Variants in COX7C observed in about 807,000 individuals in gnomAD.
COX7C encodes the protein cytochrome c oxidase subunit 7C.
In COX7C, 1 loss-of-function variant was observed where a neutral mutation model predicts 6.4. The ratio of observed to expected loss-of-function variants is 0.16; its 90% CI spans 0.06 to 0.74. The LOEUF (loss-of-function observed/expected upper bound fraction) is 0.74, where lower values mean the gene tolerates loss of function less well. Among genes scored for constraint, COX7C ranks in the 30% least tolerant of loss-of-function variants. The pLI is 0.78. For synonymous variants in COX7C, 24 were observed against 28.9 expected (o/e 0.83, Z 0.54); for missense variants, 54 against 73.7 (o/e 0.73, Z 0.98).
chr5:86,619,485 T>G lies in COX7C; in HGVS notation c.*16T>G. ...TAAAACATAAGGATGTTTCAGTTCC[T>G]CCATTTAACAGGTAGTTAGTGGATT... On this transcript the variant is annotated 3_prime_UTR_variant, in exon 2 of 3. Transcript: ENST00000247655. 2 of 1,496,396 alleles carry G rather than the reference T, an allele frequency of 1.3e-6. No homozygotes were observed. The highest frequency in any genetic ancestry group is 1.9e-6 in the Non-Finnish European group (2 of 1,073,012). The allele number at this position is 1,496,396 out of a possible 1,614,324, so 92.7% of individuals were successfully genotyped here. A position where few individuals can be genotyped will look rare whatever the true frequency, so the allele number is the denominator to read the frequency against.
intron 2 of COX7C, 110 bp downstream of exon 2, chr5:86,619,606 G>C (rs575894092): frequency 1.5e-6 from 1 of 670,692 alleles, no homozygotes; most frequent in African/African-American, 1.8e-5. Context: ...GCTGATTCCT[G>C]AGGTTATGTG....
In COX7C at chr5:86,619,488, A is replaced by G. The variant is rs964817766; in HGVS notation, c.*19A>G. ...AACATAAGGATGTTTCAGTTCCTCC[A>G]TTTAACAGGTAGTTAGTGGATTTCT... On this transcript the variant is annotated 3_prime_UTR_variant, in exon 2 of 3. Coordinates refer to ENST00000247655, the MANE Select transcript of COX7C (RefSeq NM_001867.3). 6.8e-7 allele frequency: 1 copy of G among 1,470,422 alleles called. No homozygotes were observed. The highest frequency in any genetic ancestry group is 1.7e-5 in the Admixed American group (1 of 59,688). 91.1% of individuals were successfully genotyped at this position (1,470,422 alleles called of 1,614,324 possible).
chr5:86,619,558 T>C, intron 2 of COX7C, 62 bp downstream of exon 2: 2 of 832,136 alleles, frequency 2.4e-6, no homozygotes, highest in Non-Finnish European at 2.1e-6. Context: ...CTCTTCCCCA[T>C]CACCCAGAAC....
chr5:86,618,129 AG>A lies in COX7C; in HGVS notation c.75+1del, dbSNP rs1750036380. 1 of 1,613,732 alleles carries A rather than the reference AG, an allele frequency of 6.2e-7. No individual in the cohort carries two copies. The highest frequency in any genetic ancestry group is 8.5e-7 in the Non-Finnish European group (1 of 1,179,890). Reference protein sequence around the residue: ...RRSHYEEGPGKNLPFSVENKW... With the variant: ...RRSHYEEGPGXNLPFSVENKW... ...AGCCACTATGAGGAGGGCCCTGGGA[AG>A]GTTAGTGTGTAAGGGGCACGGCTTC... is the stretch of plus-strand genomic sequence containing the variant. On this transcript the variant is annotated frameshift_variant and splice_region_variant, in exon 1 of 3. Coordinates refer to ENST00000247655, the MANE Select transcript of COX7C (RefSeq NM_001867.3). LOFTEE classifies it high-confidence loss of function.
chr5:86,618,158 T>C, intron 1 of COX7C, 28 bp downstream of exon 1: 1 of 1,610,298 alleles, frequency 6.2e-7, no homozygotes, highest in Non-Finnish European at 8.5e-7. Context: ...ACGGCTTCGT[T>C]GGGGGAGGGG....
At chr5:86,618,503 C>T (rs982578524) in intron 1 of COX7C, among the ~76,000 whole-genome samples, 3 of 152,198 alleles carry the variant, frequency 2.0e-5, no homozygotes, top group African/African-American at 7.2e-5. Context: ...AAATCAGGGC[C>T]TCTGGTTATG....
chr5:86,618,071 A>C lies in COX7C; in HGVS notation c.16A>C (p.Ile6Leu). 6.2e-7 allele frequency: 1 copy of C among 1,613,918 alleles called. No homozygotes were observed. Among genetic ancestry groups the C allele is most frequent in the East Asian group, 2.2e-5 (1 of 44,886 alleles). Residue 6 changes from isoleucine to leucine, a missense_variant, in exon 1 of 3, where the codon ATC (isoleucine) becomes CTC (leucine). Ile to Leu is a conservative substitution (Grantham distance 5). Coordinates refer to ENST00000247655, the MANE Select transcript of COX7C (RefSeq NM_001867.3). MLGQS[I>L]RRFTTSVVRR... ...CAGCAGCGGTATGTTGGGCCAGAGCATCCGGAGGTTCACAACCTCTGTGGT... is the reference window on the plus strand; with the variant it reads ...CAGCAGCGGTATGTTGGGCCAGAGCCTCCGGAGGTTCACAACCTCTGTGGT...
rs1360069415 is a variant in COX7C, at chr5:86,617,966, A to G, written c.-90A>G. 2.5e-6 allele frequency: 3 copies of G among 1,201,448 alleles called. No individual in the cohort carries two copies. Among genetic ancestry groups the G allele is most frequent in the Admixed American group, 1.8e-5 (1 of 54,174 alleles). The allele number at this position is 1,201,448 out of a possible 1,614,324, so 74.4% of individuals were successfully genotyped here. On this transcript the variant is annotated 5_prime_UTR_variant, in exon 1 of 3. Transcript: ENST00000247655. ...CTTTTCAGTCCTTGCGCACCGGGGA[A>G]CAAGGTCGTGAAAAAAAAGGTCTTG...
In COX7C at chr5:86,619,508, A is replaced by G. The variant is rs1386314146; in HGVS notation, c.*27+12A>G. 2 of 1,317,070 alleles carry G rather than the reference A, an allele frequency of 1.5e-6. No individual in the cohort carries two copies. The highest frequency in any genetic ancestry group is 2.2e-6 in the Non-Finnish European group (2 of 909,618). The allele number at this position is 1,317,070 out of a possible 1,614,324, so 81.6% of individuals were successfully genotyped here. A position where few individuals can be genotyped will look rare whatever the true frequency, so the allele number is the denominator to read the frequency against. On this transcript the variant is annotated intron_variant, in intron 2 of 2. Transcript: ENST00000247655. ...CCTCCATTTAACAGGTAGTTAGTGGATTTCTAATCATGTTAAAGCAGGCCT... is the reference window on the plus strand; with the variant it reads ...CCTCCATTTAACAGGTAGTTAGTGGGTTTCTAATCATGTTAAAGCAGGCCT...
intron 1 of COX7C, among the ~76,000 whole-genome samples, chr5:86,618,597 A>G (rs1214364780): frequency 1.3e-5 from 2 of 152,184 alleles, no homozygotes; most frequent in South Asian, 2.1e-4. Context: ...TCAGGTGTAA[A>G]TAACTTAAAC....
Position 86,618,110 on chromosome 5 carries a change from T to C in COX7C, c.55T>C (p.Tyr19His). 1 of 1,614,038 alleles carries C rather than the reference T, an allele frequency of 6.2e-7. No homozygotes were observed. Among genetic ancestry groups the C allele is most frequent in the Non-Finnish European group, 8.5e-7 (1 of 1,179,982 alleles). ...FTTSVVRRSH[Y>H]EEGPGKNLPF... ...AACCTCTGTGGTCCGTAGGAGCCACTATGAGGAGGGCCCTGGGAAGGTTAG... is the reference window on the plus strand; with the variant it reads ...AACCTCTGTGGTCCGTAGGAGCCACCATGAGGAGGGCCCTGGGAAGGTTAG... The change falls in exon 1 of 3, where the codon TAT becomes CAT. Residue 19 changes from tyrosine (Y) to histidine (H), a missense_variant. By Grantham distance (83) the Tyr-to-His change is moderately conservative. Coordinates refer to ENST00000247655, the MANE Select transcript of COX7C (RefSeq NM_001867.3).
chr5:86,619,575 A>G, intron 2 of COX7C, 79 bp downstream of exon 2: 1 of 758,780 alleles, frequency 1.3e-6, no homozygotes, highest in East Asian at 2.5e-5. Context: ...GAACACACAC[A>G]CAAATACATT....
At chr5:86,620,603 TACA>T (rs1750101770) in intron 2 of COX7C, 62 bp from the exon 3 acceptor site, 3 of 423,596 alleles carry the variant, frequency 7.1e-6, no homozygotes, top group African/African-American at 6.1e-5. Context: ...TTCATGAAAC[TACA>T]TGATTTCTGT....
chr5:86,620,217 A>G (rs13177204), intron 2 of COX7C: 4,115 of 152,658 alleles, frequency 0.027, 223 homozygotes, highest in East Asian at 0.24. Context: ...TTACAACACA[A>G]TGGGGCATTT....
intron 1 of COX7C, 92 bp from the exon 2 acceptor site, chr5:86,619,261 A>G: frequency 2.6e-6 from 2 of 782,120 alleles, no homozygotes; most frequent in East Asian, 2.5e-5. Context: ...GATGTAAAAT[A>G]TAACTAGCAT....
At chr5:86,618,202 G>A in intron 1 of COX7C, 72 bp downstream of exon 1, 3 of 1,404,152 alleles carry the variant, frequency 2.1e-6, no homozygotes, top group Non-Finnish European at 2.0e-6. Flanking sequence ...CTGCAAGGCC[G>A]CCTCCGGGCT....
At position 86,618,107 on chromosome 5, in the gene COX7C, C is replaced by T. The variant is rs774832945; in HGVS notation, c.52C>T (p.His18Tyr). ...RFTTSVVRRSHYEEGPGKNLP... is the reference protein window; with the variant it reads ...RFTTSVVRRSYYEEGPGKNLP... ...CACAACCTCTGTGGTCCGTAGGAGCCACTATGAGGAGGGCCCTGGGAAGGT... is the reference window on the plus strand; with the variant it reads ...CACAACCTCTGTGGTCCGTAGGAGCTACTATGAGGAGGGCCCTGGGAAGGT... Residue 18 changes from histidine to tyrosine, a missense_variant, in exon 1 of 3, where the codon CAC (histidine) becomes TAC (tyrosine). Coordinates refer to ENST00000247655, the MANE Select transcript of COX7C (RefSeq NM_001867.3). 7 of 1,613,982 alleles carry T rather than the reference C, an allele frequency of 4.3e-6. No homozygotes were observed. The highest frequency in any genetic ancestry group is 1.6e-4 in the Middle Eastern group (1 of 6,070).
At chr5:86,620,353 GT>G (rs973997299) in intron 2 of COX7C, 154 of 161,794 alleles carry the variant, frequency 9.5e-4, no homozygotes, top group African/African-American at 3.5e-3. Context: ...ATATTGGAAG[GT>G]TAGCAGATTT....
chr5:86,618,558 C>T (rs1750050888), intron 1 of COX7C, among the ~76,000 whole-genome samples: 1 of 152,162 alleles, frequency 6.6e-6, no homozygotes, highest in African/African-American at 2.4e-5. Context: ...AGTACTAACC[C>T]TTCACCTCAG....
Sources: gnomAD v4.1 joint callset for allele counts (sites outside exome capture counted in the v4.1 genomes callset) on GRCh38, gnomAD v4.1.1 for gene constraint, MANE v1.5 for transcripts, NCBI Gene and HGNC (gene_info 2026-07-23, HGNC 2026-07-21) for gene names.